The following USP21 variants were observed in gnomAD, a reference collection of about 807,000 sequenced individuals.
USP21 encodes ubiquitin specific peptidase 21.
In USP21, 37 loss-of-function variants were observed where a neutral mutation model predicts 70.8. The observed-to-expected ratio is 0.52, with a 90% confidence interval of 0.40 to 0.69. USP21 has a LOEUF of 0.69. Ranked by LOEUF, USP21 falls within the 30% of genes least tolerant of loss-of-function variation. The pLI, the probability that USP21 is intolerant of heterozygous loss-of-function variation, is 0.00. For synonymous variants in USP21, 263 were observed against 283.1 expected (o/e 0.93, Z 0.71); for missense variants, 584 against 740.8 (o/e 0.79, Z 2.46).
Position 161,164,508 on chromosome 1 carries a change from C to T in USP21, c.1306-26C>T. On this transcript the variant is annotated intron_variant, in intron 10 of 13. Transcript: ENST00000368002. This position sits in a 1 kb window ranked among gnomAD's most constrained non-coding sequence, Gnocchi z 4.2. ...CCAATTGAGGTTAGGAGCATATTAA[C>T]CTAACACTGTTTGCCATTTATTCAG... is the stretch of plus-strand genomic sequence containing the variant. The T allele has an allele frequency of 1.2e-6, 2 of 1,614,058 alleles. No homozygotes were observed. The highest frequency in any genetic ancestry group is 1.7e-6 in the Non-Finnish European group (2 of 1,179,986).
chr1:161,162,517 T>C lies in USP21; in HGVS notation c.782-98T>C. The C allele has an allele frequency of 3.3e-6, 5 of 1,533,056 alleles. No individual in the cohort carries two copies. The highest frequency in any genetic ancestry group is 4.5e-6 in the Non-Finnish European group (5 of 1,113,082). The allele number at this position is 1,533,056 out of a possible 1,614,324, so 95.0% of individuals were successfully genotyped here. ...AGTTGTATCTACTTTTCCCAGTGCCTACTTTCCTAAAGGTTATTTTCTACC... is the reference window on the plus strand; with the variant it reads ...AGTTGTATCTACTTTTCCCAGTGCCCACTTTCCTAAAGGTTATTTTCTACC... On this transcript the variant is annotated intron_variant, in intron 5 of 13. Transcript: ENST00000368002. The surrounding 1 kb of genome is among the most constrained non-coding windows in gnomAD (Gnocchi z 4.1).
In USP21 at chr1:161,164,981, T is replaced by TG; in HGVS notation, c.1493-43dup. 2 of 1,612,632 alleles carry TG rather than the reference T, an allele frequency of 1.2e-6. No homozygotes were observed. The highest frequency in any genetic ancestry group is 2.7e-5 in the African/African-American group (2 of 74,856). ...GGAAAGTCCTAAGGAGCCAAAGGAGTGGGGGCACAGCTCTGATTATAGAAC... is the reference window on the plus strand; with the variant it reads ...GGAAAGTCCTAAGGAGCCAAAGGAGTGGGGGGCACAGCTCTGATTATAGAAC... On this transcript the variant is annotated intron_variant, in intron 12 of 13. Transcript: ENST00000368002. This position sits in a 1 kb window ranked among gnomAD's most constrained non-coding sequence, Gnocchi z 4.2.
chr1:161,162,241 A>G lies in USP21; in HGVS notation c.661-29A>G. On this transcript the variant is annotated intron_variant, in intron 4 of 13. Transcript: ENST00000368002. This position sits in a 1 kb window ranked among gnomAD's most constrained non-coding sequence, Gnocchi z 4.1. Reference sequence around the variant, plus strand: ...GCTTCCTGGGCAGTGGTCTGGAGAGATAACAGCAGTGTCCCTACTGCTCCC... The same window carrying G: ...GCTTCCTGGGCAGTGGTCTGGAGAGGTAACAGCAGTGTCCCTACTGCTCCC... 6.2e-7 allele frequency: 1 copy of G among 1,607,648 alleles called. No homozygotes were observed. Among genetic ancestry groups the G allele is most frequent in the Non-Finnish European group, 8.5e-7 (1 of 1,175,612 alleles).
At position 161,162,761 on chromosome 1, in the gene USP21, G is replaced by A; in HGVS notation, c.893+35G>A. 2 of 1,591,544 alleles carry A rather than the reference G, an allele frequency of 1.3e-6. No homozygotes were observed. The highest frequency in any genetic ancestry group is 1.7e-6 in the Non-Finnish European group (2 of 1,159,500). ...CTGGAGGCTATGGGATTTCTCTCTG[G>A]CCATGTCTGGGGGTAGGGCCAAGCA... On this transcript the variant is annotated intron_variant, in intron 6 of 13. Transcript: ENST00000368002. This position sits in a 1 kb window ranked among gnomAD's most constrained non-coding sequence, Gnocchi z 4.1.
At chr1:161,165,168 C>T (rs1441039181) in intron 13 of USP21, 25 bp downstream of exon 13, 2 of 1,598,192 alleles carry the variant, frequency 1.3e-6, no homozygotes, top group Admixed American at 3.3e-5. Flanking sequence ...CTATTTACAT[C>T]CTGCCCCATT....
In USP21 at chr1:161,162,616, C is replaced by G; in HGVS notation, c.783C>G (p.Ala261=). 2 of 1,611,792 alleles carry G rather than the reference C, an allele frequency of 1.2e-6. No individual in the cohort carries two copies. The highest frequency in any genetic ancestry group is 1.7e-5 in the Admixed American group (1 of 60,024). Residue 261 remains alanine, a splice_region_variant and synonymous_variant, in exon 6 of 14, where the codon GCC becomes GCG. Transcript: ENST00000368002. This position sits in a 1 kb window ranked among gnomAD's most constrained non-coding sequence, Gnocchi z 4.1. The part of the protein sequence containing the change: ...GGGRAQELTE[A]FADVIGALWH... ...CCTTCCCCACTCCCATCCCAACAGC[C>G]TTTGCAGATGTGATTGGTGCCCTCT... is the stretch of plus-strand genomic sequence containing the variant.
chr1:161,162,269 G>C lies in USP21; in HGVS notation c.661-1G>C. The C allele has an allele frequency of 6.2e-7, 1 of 1,608,106 alleles. No homozygotes were observed. Among genetic ancestry groups the C allele is most frequent in the Non-Finnish European group, 8.5e-7 (1 of 1,175,854 alleles). On this transcript the variant is annotated splice_acceptor_variant, in intron 4 of 13. Transcript: ENST00000368002. LOFTEE classifies it high-confidence loss of function. This position sits in a 1 kb window ranked among gnomAD's most constrained non-coding sequence, Gnocchi z 4.1. ...ACAGCAGTGTCCCTACTGCTCCCCA[G>C]TGCTTCCTGAATGCTGTGCTGCAGT...
chr1:161,163,663 G>A (rs769518075), intron 8 of USP21, 44 bp downstream of exon 8: 11 of 1,432,914 alleles, frequency 7.7e-6, no homozygotes, highest in Non-Finnish European at 1.1e-5. Flanking sequence ...AGTGTGTGAG[G>A]GGGGTACAGG....
At position 161,165,535 on chromosome 1, in the gene USP21, T is replaced by A. The variant is rs1658626940; in HGVS notation, c.*88T>A. ...TACCTCAGAGACGTCTATTTTTGTG[T>A]CTTTTTAATCGGGGAGGGGGGAGGG... On this transcript the variant is annotated 3_prime_UTR_variant, in exon 14 of 14. Transcript: ENST00000368002. 1 of 404,208 alleles carries A rather than the reference T, an allele frequency of 2.5e-6. No homozygotes were observed. The highest frequency in any genetic ancestry group is 4.4e-6 in the Non-Finnish European group (1 of 227,434). The allele number at this position is 404,208 out of a possible 1,614,324, so 25.0% of individuals were successfully genotyped here.
In USP21 at chr1:161,161,007, G is replaced by T. The variant is rs772474679; in HGVS notation, c.367G>T (p.Gly123Trp). 1.9e-6 allele frequency: 3 copies of T among 1,614,246 alleles called. No individual in the cohort carries two copies. The highest frequency in any genetic ancestry group is 2.5e-6 in the Non-Finnish European group (3 of 1,180,046). ...GAGCAGTGGGGACTTGCGTCCAATG[G>T]GGATTGCCTTGGGAGGGCACCGTGG... is the stretch of plus-strand genomic sequence containing the variant. ...SVSSGDLRPM[G>W]IALGGHRGTG... Residue 123 changes from glycine (G) to tryptophan (W), a missense_variant, in exon 3 of 14, where the codon GGG becomes TGG. By Grantham distance (184) the Gly-to-Trp change is radical. Transcript: ENST00000368002. This position sits in a 1 kb window ranked among gnomAD's most constrained non-coding sequence, Gnocchi z 4.2.
chr1:161,160,307 C>A (rs910913795), intron 1 of USP21, 59 bp from the exon 2 acceptor site: 3 of 324,520 alleles, frequency 9.2e-6, no homozygotes, highest in Non-Finnish European at 1.7e-5. Context: ...GCTTATCTTT[C>A]ATTCATTTGT....
chr1:161,164,982 G>A lies in USP21; in HGVS notation c.1492+40G>A. The A allele has an allele frequency of 6.2e-7, 1 of 1,613,044 alleles. No homozygotes were observed. Among genetic ancestry groups the A allele is most frequent in the Admixed American group, 1.7e-5 (1 of 59,992 alleles). On this transcript the variant is annotated intron_variant, in intron 12 of 13. Transcript: ENST00000368002. The surrounding 1 kb of genome is among the most constrained non-coding windows in gnomAD (Gnocchi z 4.2). ...GAAAGTCCTAAGGAGCCAAAGGAGT[G>A]GGGGCACAGCTCTGATTATAGAACT... is the stretch of plus-strand genomic sequence containing the variant.
In USP21 at chr1:161,163,934, T is replaced by A; in HGVS notation, c.1171T>A (p.Ser391Thr). ...CAAGTGCCAGGCCTGTGGGTATCGC[T>A]CCACGACCTTCGAGGTTTTTTGTGA... ...CLKCQACGYR[S>T]TTFEVFCDLS... The change falls in exon 9 of 14, where the codon TCC becomes ACC. Residue 391 changes from serine to threonine, a missense_variant. By Grantham distance (58) the Ser-to-Thr change is moderately conservative (BLOSUM62 1). Transcript: ENST00000368002. The A allele has an allele frequency of 6.2e-7, 1 of 1,614,186 alleles. No homozygotes were observed. Among genetic ancestry groups the A allele is most frequent in the Non-Finnish European group, 8.5e-7 (1 of 1,180,036 alleles).
rs1658155367 is a variant in USP21 at position 161,163,895 on chromosome 1, T to C, written c.1132T>C (p.Leu378=). The change falls in exon 9 of 14, where the codon TTG becomes CTG. Residue 378 remains leucine (L), a synonymous_variant. Transcript: ENST00000368002. ...CTGTCTAGACCTGTTTGTGGGCCAGTTGAAAAGTTGTCTCAAGTGCCAGGC... is the reference window on the plus strand; with the variant it reads ...CTGTCTAGACCTGTTTGTGGGCCAGCTGAAAAGTTGTCTCAAGTGCCAGGC... ...SKIVDLFVGQ[L]KSCLKCQACG... The C allele has an allele frequency of 6.2e-7, 1 of 1,614,112 alleles. No individual in the cohort carries two copies. Among genetic ancestry groups the C allele is most frequent in the Non-Finnish European group, 8.5e-7 (1 of 1,180,020 alleles).
chr1:161,161,165 G>T lies in USP21; in HGVS notation c.525G>T (p.Glu175Asp). The T allele has an allele frequency of 6.2e-7, 1 of 1,613,886 alleles. No homozygotes were observed. Among genetic ancestry groups the T allele is most frequent in the Non-Finnish European group, 8.5e-7 (1 of 1,179,832 alleles). The change falls in exon 3 of 14, where the codon GAG becomes GAT. Residue 175 changes from glutamate to aspartate, a missense_variant. Around this residue, in one of 4 missense-constraint regions of USP21, gnomAD observed 284 missense variants for 281.0 expected, o/e 1.01. Coordinates refer to ENST00000368002, the MANE Select transcript of USP21 (RefSeq NM_001014443.3). The surrounding 1 kb of genome is among the most constrained non-coding windows in gnomAD (Gnocchi z 4.2). ...CTACCCTGTTCAGCATACGGACAGA[G>T]CCCCCTGCTTCCCATGGCTCCTTCC... ...GPPTLFSIRT[E>D]PPASHGSFHM...
In USP21 at chr1:161,160,761, C is replaced by T; in HGVS notation, c.121C>T (p.Pro41Ser). 6.2e-7 allele frequency: 1 copy of T among 1,614,204 alleles called. No homozygotes were observed. The highest frequency in any genetic ancestry group is 1.1e-5 in the South Asian group (1 of 91,086). ...PRARSKERRN[P>S]ASGPNPMLRP... is the part of the protein sequence containing the mutation. Reference sequence around the variant, plus strand: ...GGCCCGCAGCAAGGAGCGCAGAAACCCAGCCTCTGGGCCAAACCCCATGTT... The same window carrying T: ...GGCCCGCAGCAAGGAGCGCAGAAACTCAGCCTCTGGGCCAAACCCCATGTT... Residue 41 changes from proline to serine, a missense_variant, in exon 3 of 14, where the codon CCA (proline) becomes TCA (serine). By Grantham distance (74) the Pro-to-Ser change is moderately conservative (BLOSUM62 -1). Coordinates refer to ENST00000368002, the MANE Select transcript of USP21 (RefSeq NM_001014443.3).
intron 7 of USP21, 53 bp downstream of exon 7, chr1:161,163,127 C>A: frequency 6.5e-7 from 1 of 1,533,578 alleles, no homozygotes; most frequent in Non-Finnish European, 8.8e-7. Flanking sequence ...GCATCATTCA[C>A]ACTTCATAGA....
chr1:161,160,263 G>T, intron 1 of USP21, 103 bp from the exon 2 acceptor site: 1 of 243,060 alleles, frequency 4.1e-6, no homozygotes, highest in Non-Finnish European at 8.1e-6. Context: ...GCAGGGAGGG[G>T]TCGGGAGTAT....
At chr1:161,163,733 G>A in intron 8 of USP21, 114 bp downstream of exon 8, 1 of 1,344,526 alleles carries the variant, frequency 7.4e-7, no homozygotes. Context: ...TGATGCAAAT[G>A]TGAAGCTGTG....
Sources: allele counts gnomAD v4.1 joint callset, GRCh38; gene constraint gnomAD v4.1.1; regional missense constraint gnomAD v4.1.1; non-coding constraint Gnocchi (gnomAD v3.1); transcripts MANE v1.5; gene names NCBI Gene and HGNC (gene_info 2026-07-23, HGNC 2026-07-21).